Variants in CCDC148 observed in about 807,000 individuals in gnomAD.
CCDC148 encodes the protein coiled-coil domain containing 148.
A neutral mutation model predicts 85.7 loss-of-function variants in CCDC148; 89 were observed. The ratio of observed to expected loss-of-function variants is 1.04; its 90% CI spans 0.87 to 1.24. CCDC148 has a LOEUF of 1.24. Ranked by LOEUF, CCDC148 falls within the 50% of genes most tolerant of loss-of-function variation. CCDC148 has a pLI of 0.00. For missense variants in CCDC148, 692 were observed against 671.7 expected, an observed-to-expected ratio of 1.03 and a Z score of -0.33; for synonymous variants, 230 against 213.9, an observed-to-expected ratio of 1.08 and a Z score of -0.66.
intron 9 of CCDC148, among the ~76,000 whole-genome samples, chr2:158,305,723 C>T (rs1691652192): frequency 6.9e-6 from 1 of 145,282 alleles, no homozygotes; most frequent in African/African-American, 2.6e-5. Flanking sequence ...CACCACATTC[C>T]AGCCTGGGCA....
At chr2:158,288,721 C>T in intron 9 of CCDC148, 1 of 395,108 alleles carries the variant, frequency 2.5e-6, no homozygotes, top group South Asian at 1.9e-5. Context: ...CTGCCTGATA[C>T]CAGTTCCAAA....
At chr2:158,389,060 C>A (rs1404307677) in intron 1 of CCDC148, among the ~76,000 whole-genome samples, 2 of 152,076 alleles carry the variant, frequency 1.3e-5, no homozygotes, top group Non-Finnish European at 2.9e-5. Flanking sequence ...TGTCATAAAT[C>A]CACGGACACA....
chr2:158,283,911 T>C (rs556454345), intron 9 of CCDC148, among the ~76,000 whole-genome samples: 1 of 151,474 alleles, frequency 6.6e-6, no homozygotes, highest in South Asian at 2.1e-4. Context: ...ATTAAGAAAA[T>C]GTGGCACATA....
At chr2:158,229,050 G>C (rs1261862757) in intron 10 of CCDC148, among the ~76,000 whole-genome samples, 1 of 151,268 alleles carries the variant, frequency 6.6e-6, no homozygotes, top group Admixed American at 6.6e-5. Flanking sequence ...ACTTCAGCCT[G>C]TCTGAATGCC....
Position 158,250,838 on chromosome 2 carries a change from CTTTTCTCTTCTTCT to C in CCDC148, c.1171_1184del (p.Arg391GlyfsTer54). ...TCCACAGTTTCTCTTTCTCCTCTTC[CTTTTCTCTTCTTCT>C]GGCAGAAATTTCCATTTCCAGTCTT... On this transcript the variant is annotated frameshift_variant, in exon 10 of 14. Coordinates refer to ENST00000283233, the MANE Select transcript of CCDC148 (RefSeq NM_138803.4). LOFTEE classifies it high-confidence loss of function. The C allele has an allele frequency of 1.2e-6, 2 of 1,606,024 alleles. No individual in the cohort carries two copies. The highest frequency in any genetic ancestry group is 1.7e-6 in the Non-Finnish European group (2 of 1,177,686).
chr2:158,275,564 C>T (rs562876660), intron 9 of CCDC148, among the ~76,000 whole-genome samples: 18 of 152,146 alleles, frequency 1.2e-4, no homozygotes, highest in African/African-American at 3.6e-4. Context: ...AGAGGCCTAA[C>T]GGTTCTGTGG....
intron 8 of CCDC148, among the ~76,000 whole-genome samples, chr2:158,312,224 T>C (rs1470754230): frequency 6.6e-6 from 1 of 152,218 alleles, no homozygotes; most frequent in Non-Finnish European, 1.5e-5. Context: ...AAATCTGTTC[T>C]GTAAACTTCT....
chr2:158,377,280 T>TG lies in CCDC148; in HGVS notation c.26-18711dup, dbSNP rs371795583. Among the ~76,000 whole-genome samples the TG allele has an allele frequency of 3.0e-3, 391 of 128,926 alleles. 3 individuals carry two copies. Among genetic ancestry groups the TG allele is most frequent in the African/African-American group, 9.7e-3 (330 of 34,020 alleles). 84.6% of individuals were successfully genotyped at this position (128,926 alleles called of 152,430 possible). ...GGAGGGGTAGGGTGTGTCGATGGTG[T>TG]GGGGGGGGTGGGGTACAAATTACCA... On this transcript the variant is annotated intron_variant, in intron 1 of 13. Coordinates refer to ENST00000283233, the MANE Select transcript of CCDC148 (RefSeq NM_138803.4).
rs573796754 is a variant in CCDC148, at chr2:158,363,712, G to T, written c.26-5142C>A. ...ATAAACCCACAACCAATATCATACT[G>T]AATGGGCAAAAACTGGAAGCATTCC... On this transcript the variant is annotated intron_variant, in intron 1 of 13. Transcript: ENST00000283233. 7.2e-5 allele frequency among the ~76,000 whole-genome samples: 11 copies of T among 152,248 alleles called. No individual in the cohort carries two copies. In the East Asian group the frequency reaches 2.1e-3, roughly 29 times the overall value.
intron 13 of CCDC148, among the ~76,000 whole-genome samples, chr2:158,175,641 G>A (rs1231793817): frequency 6.6e-6 from 1 of 152,046 alleles, no homozygotes; most frequent in African/African-American, 2.4e-5. Context: ...CATACGCAGA[G>A]CCAGAATATA....
chr2:158,305,237 C>T (rs111379276), intron 9 of CCDC148, among the ~76,000 whole-genome samples: 25 of 152,244 alleles, frequency 1.6e-4, no homozygotes, highest in South Asian at 6.2e-4. Context: ...CTCCTGGGGA[C>T]GGTGAAGGAA....
intron 1 of CCDC148, among the ~76,000 whole-genome samples, chr2:158,371,487 T>G (rs1684438998): frequency 6.6e-6 from 1 of 152,032 alleles, no homozygotes; most frequent in African/African-American, 2.4e-5. Flanking sequence ...CAGTTGCATT[T>G]AGCCCTGGTA....
At chr2:158,417,436 T>A (rs1458339486) in intron 1 of CCDC148, among the ~76,000 whole-genome samples, 1 of 152,214 alleles carries the variant, frequency 6.6e-6, no homozygotes, top group Non-Finnish European at 1.5e-5. Flanking sequence ...GCCCTAGGGC[T>A]TCTTGGAGCC....
At chr2:158,278,538 T>A (rs1183403037) in intron 9 of CCDC148, among the ~76,000 whole-genome samples, 2 of 152,290 alleles carry the variant, frequency 1.3e-5, no homozygotes, top group African/African-American at 4.8e-5. Flanking sequence ...CACAGCAGTC[T>A]GAGATCAAAC....
intron 10 of CCDC148, among the ~76,000 whole-genome samples, chr2:158,250,468 G>A (rs1034823187): frequency 6.7e-5 from 10 of 150,214 alleles, no homozygotes; most frequent in Non-Finnish European, 1.3e-4. Context: ...TTTTTGCCAC[G>A]TCCCTATTTA....
intron 10 of CCDC148, among the ~76,000 whole-genome samples, chr2:158,225,012 T>C (rs1056506985): frequency 5.9e-5 from 9 of 152,040 alleles, no homozygotes; most frequent in African/African-American, 2.2e-4. Context: ...GACTGGCAAA[T>C]TGGATAAAGA....
chr2:158,355,231 C>T (rs373882899), intron 2 of CCDC148, among the ~76,000 whole-genome samples: 1 of 152,002 alleles, frequency 6.6e-6, no homozygotes, highest in Non-Finnish European at 1.5e-5. Context: ...CAGGCCAGGG[C>T]AATTAGGCAG....
At chr2:158,311,654 T>C (rs1692025941) in intron 8 of CCDC148, among the ~76,000 whole-genome samples, 1 of 152,246 alleles carries the variant, frequency 6.6e-6, no homozygotes, top group Non-Finnish European at 1.5e-5. Flanking sequence ...TCAGTTTTGG[T>C]ATTTTAACAA....
chr2:158,359,186 C>T (rs753861612), intron 1 of CCDC148, among the ~76,000 whole-genome samples: 1 of 152,132 alleles, frequency 6.6e-6, no homozygotes, highest in Non-Finnish European at 1.5e-5. Context: ...GTGAGGGTTA[C>T]TCTAAGTTCA....
Sources: gnomAD v4.1 joint callset for allele counts (sites outside exome capture counted in the v4.1 genomes callset) on GRCh38, gnomAD v4.1.1 for gene constraint, MANE v1.5 for transcripts, NCBI Gene and HGNC (gene_info 2026-07-23, HGNC 2026-07-21) for gene names.